TRPC4: variants seen among roughly 807,000 people sequenced by gnomAD.
TRPC4 encodes the protein transient receptor potential cation channel subfamily C member 4, also known as short transient receptor potential channel 4.
TRPC4 carries 49 observed loss-of-function variants against 99.4 expected under a neutral mutation model. The ratio of observed to expected loss-of-function variants is 0.49; its 90% CI spans 0.39 to 0.63. TRPC4 has a LOEUF of 0.63. TRPC4 is among the 20% of genes least tolerant of loss of function. TRPC4 has a pLI of 0.00. For synonymous variants in TRPC4, 454 were observed against 425.9 expected (o/e 1.07, Z -0.81); for missense variants, 898 against 1,152.9 (o/e 0.78, Z 3.20).
At chr13:37,812,308 T>G (rs1418388162) in intron 1 of TRPC4, among the ~76,000 whole-genome samples, 1 of 151,430 alleles carries the variant, frequency 6.6e-6, no homozygotes, top group East Asian at 1.9e-4. Context: ...TTATAGTATC[T>G]ATCATCTAAT....
chr13:37,722,791 CTT>C (rs1328311984), intron 3 of TRPC4, among the ~76,000 whole-genome samples: 1 of 151,258 alleles, frequency 6.6e-6, no homozygotes, highest in Non-Finnish European at 1.5e-5. Context: ...TAAATAAACA[CTT>C]ACTATTATTG....
At chr13:37,741,316 C>T (rs1348335222) in intron 3 of TRPC4, among the ~76,000 whole-genome samples, 1 of 152,196 alleles carries the variant, frequency 6.6e-6, no homozygotes, top group Non-Finnish European at 1.5e-5. Context: ...GCCACAGACT[C>T]TGCATCTGCA....
At chr13:37,813,762 A>G (rs1044179817) in intron 1 of TRPC4, among the ~76,000 whole-genome samples, 2 of 151,918 alleles carry the variant, frequency 1.3e-5, no homozygotes. Context: ...AAAAGTCTTC[A>G]TAGATAAATT....
In TRPC4 at chr13:37,636,887, C is replaced by T; in HGVS notation, c.*16G>A. On this transcript the variant is annotated 3_prime_UTR_variant, in exon 11 of 11. Transcript: ENST00000379705. ...AAAATACGTATGTGTATGGTAAACGCTTCCTCCTTCAAGTATCACAATCTT... is the reference window on the plus strand; with the variant it reads ...AAAATACGTATGTGTATGGTAAACGTTTCCTCCTTCAAGTATCACAATCTT... 2.5e-6 allele frequency: 4 copies of T among 1,599,882 alleles called. No homozygotes were observed. The highest frequency in any genetic ancestry group is 2.6e-6 in the Non-Finnish European group (3 of 1,172,654).
intron 1 of TRPC4, among the ~76,000 whole-genome samples, chr13:37,813,475 T>C (rs886630819): frequency 6.6e-6 from 1 of 151,416 alleles, no homozygotes; most frequent in Admixed American, 6.6e-5. Flanking sequence ...ATATAACTGA[T>C]GAAACTTTAG....
intron 2 of TRPC4, among the ~76,000 whole-genome samples, chr13:37,759,311 A>T (rs532089667): frequency 4.0e-5 from 6 of 151,752 alleles, no homozygotes; most frequent in East Asian, 1.9e-4. Flanking sequence ...AGGCAACAAA[A>T]TTTTTTTTGT....
chr13:37,753,367 G>A (rs564319955), intron 2 of TRPC4, among the ~76,000 whole-genome samples: 75 of 152,134 alleles, frequency 4.9e-4, no homozygotes, highest in African/African-American at 1.8e-3. Flanking sequence ...ATTTAGCCAG[G>A]AGAATAATGG....
chr13:37,669,855 T>C (rs902499911), intron 5 of TRPC4, among the ~76,000 whole-genome samples: 3 of 152,114 alleles, frequency 2.0e-5, no homozygotes, highest in Non-Finnish European at 2.9e-5. Flanking sequence ...AAGATCTTTC[T>C]TGCAAGTAGA....
At chr13:37,825,565 C>T (rs1958177739) in intron 1 of TRPC4, among the ~76,000 whole-genome samples, 1 of 150,320 alleles carries the variant, frequency 6.7e-6, no homozygotes, top group Admixed American at 6.7e-5. Context: ...TGTTCAGTTT[C>T]CATGTAGTCC....
intron 3 of TRPC4, among the ~76,000 whole-genome samples, chr13:37,694,985 C>T (rs1179742986): frequency 6.6e-6 from 1 of 152,044 alleles, no homozygotes; most frequent in Non-Finnish European, 1.5e-5. Flanking sequence ...AAATTGTATC[C>T]CAGTAATTAA....
intron 3 of TRPC4, among the ~76,000 whole-genome samples, chr13:37,740,523 A>G (rs1034045534): frequency 2.0e-5 from 3 of 152,194 alleles, no homozygotes; most frequent in Non-Finnish European, 2.9e-5. Context: ...AGTTTTAAGA[A>G]GACACAATCC....
intron 2 of TRPC4, among the ~76,000 whole-genome samples, chr13:37,755,979 C>A (rs921157219): frequency 6.6e-6 from 1 of 152,068 alleles, no homozygotes; most frequent in Non-Finnish European, 1.5e-5. Flanking sequence ...CTTAAAAAAA[C>A]CCCTCAGGAT....
At chr13:37,682,710 C>T (rs1953291493) in intron 4 of TRPC4, among the ~76,000 whole-genome samples, 1 of 152,046 alleles carries the variant, frequency 6.6e-6, no homozygotes, top group South Asian at 2.1e-4. Flanking sequence ...AGCGAGAGAG[C>T]CATGAGGTCA....
chr13:37,639,401 CA>C, intron 8 of TRPC4, 102 bp from the exon 9 acceptor site: 1 of 1,288,996 alleles, frequency 7.8e-7, no homozygotes, highest in South Asian at 1.5e-5. Flanking sequence ...CTTATTTCTT[CA>C]AAGTGGGAGT....
intron 1 of TRPC4, among the ~76,000 whole-genome samples, chr13:37,813,339 T>C (rs1957756228): frequency 6.6e-6 from 1 of 151,586 alleles, no homozygotes; most frequent in South Asian, 2.1e-4. Flanking sequence ...CTTAAGAAAT[T>C]ATAAATGTAA....
chr13:37,677,608 T>C (rs145088630), intron 4 of TRPC4, among the ~76,000 whole-genome samples: 145 of 152,224 alleles, frequency 9.5e-4, no homozygotes, highest in African/African-American at 3.4e-3. Flanking sequence ...TGAGAAGATA[T>C]AAAAATTCTA....
chr13:37,818,424 C>T (rs1005525784), intron 1 of TRPC4, among the ~76,000 whole-genome samples: 7 of 152,008 alleles, frequency 4.6e-5, no homozygotes, highest in African/African-American at 1.7e-4. Context: ...CCAGAAATAC[C>T]ATTTGACCCC....
chr13:37,759,030 C>T (rs1309242207), intron 2 of TRPC4, among the ~76,000 whole-genome samples: 1 of 150,874 alleles, frequency 6.6e-6, no homozygotes, highest in African/African-American at 2.4e-5. Flanking sequence ...GAATATATAT[C>T]CAAGAATGGC....
At chr13:37,817,676 T>G (rs921494372) in intron 1 of TRPC4, among the ~76,000 whole-genome samples, 2 of 151,628 alleles carry the variant, frequency 1.3e-5, no homozygotes, top group Non-Finnish European at 2.9e-5. Flanking sequence ...ATAGTACTGC[T>G]ACAAAAGCAG....
Sources: gnomAD v4.1 joint callset for allele counts (sites outside exome capture counted in the v4.1 genomes callset) on GRCh38, gnomAD v4.1.1 for gene constraint, MANE v1.5 for transcripts, NCBI Gene and HGNC (gene_info 2026-07-23, HGNC 2026-07-21) for gene names.